Variants in TAFA2 observed in about 807,000 individuals in gnomAD.
TAFA2 encodes the protein TAFA chemokine like family member 2.
In TAFA2, 7 loss-of-function variants were observed where a neutral mutation model predicts 18.8. That is an observed-to-expected ratio of 0.37 (90% CI 0.21 to 0.70). TAFA2 has a LOEUF of 0.70. Among genes scored for constraint, TAFA2 ranks in the 30% least tolerant of loss-of-function variants. The probability of loss-of-function intolerance (pLI) is 0.53; values close to 1 mark genes in which losing one functional copy is unlikely to be tolerated. For synonymous variants in TAFA2, 60 were observed against 54.2 expected, an observed-to-expected ratio of 1.11 and a Z score of -0.47; for missense variants, 122 against 158.1, an observed-to-expected ratio of 0.77 and a Z score of 1.23.
chr12:62,163,353 T>C (rs1306833626), intron 1 of TAFA2, among the ~76,000 whole-genome samples: 1 of 146,484 alleles, frequency 6.8e-6, no homozygotes, highest in Non-Finnish European at 1.5e-5. Context: ...GAGCTGGGTT[T>C]TTGTTTTTGT....
chr12:61,895,548 T>A (rs1875804958), intron 1 of TAFA2, among the ~76,000 whole-genome samples: 1 of 152,026 alleles, frequency 6.6e-6, no homozygotes, highest in African/African-American at 2.4e-5. Flanking sequence ...ACAAATACAG[T>A]GTGGTAAAGA....
intron 2 of TAFA2, among the ~76,000 whole-genome samples, chr12:61,823,095 A>G (rs1488978141): frequency 6.6e-6 from 1 of 152,220 alleles, no homozygotes; most frequent in Non-Finnish European, 1.5e-5. Context: ...AATCTCATTT[A>G]GAAACTTTTT....
chr12:61,827,419 C>T (rs775598690), intron 2 of TAFA2, among the ~76,000 whole-genome samples: 5 of 152,026 alleles, frequency 3.3e-5, no homozygotes, highest in Admixed American at 6.6e-5. Context: ...GGTTCTCTAC[C>T]ATTACTTGTT....
intron 1 of TAFA2, among the ~76,000 whole-genome samples, chr12:61,958,571 A>G (rs1878777305): frequency 6.6e-6 from 1 of 151,850 alleles, no homozygotes; most frequent in Non-Finnish European, 1.5e-5. Context: ...CTACATATAT[A>G]TTTAAGTATC....
At chr12:61,754,766 G>C (rs966717178) in intron 3 of TAFA2, 106 bp downstream of exon 3, 2 of 1,096,172 alleles carry the variant, frequency 1.8e-6, no homozygotes, top group Non-Finnish European at 2.6e-6. Flanking sequence ...GGTATTTGTA[G>C]TATGTTCACC....
intron 1 of TAFA2, among the ~76,000 whole-genome samples, chr12:62,084,912 G>C (rs566585831): frequency 1.3e-5 from 2 of 152,094 alleles, no homozygotes; most frequent in African/African-American, 2.4e-5. Flanking sequence ...AGCCATGCAC[G>C]GAGGTAAACA....
intron 1 of TAFA2, among the ~76,000 whole-genome samples, chr12:62,069,293 G>T (rs920086003): frequency 6.6e-6 from 1 of 152,140 alleles, no homozygotes; most frequent in Non-Finnish European, 1.5e-5. Context: ...TTTCTTTAAA[G>T]GTGTGTTTTG....
At chr12:61,990,024 G>A (rs1879947958) in intron 1 of TAFA2, among the ~76,000 whole-genome samples, 1 of 152,122 alleles carries the variant, frequency 6.6e-6, no homozygotes, top group Admixed American at 6.5e-5. Context: ...TCTGCTACCT[G>A]TGGCATCACT....
rs535171302 is a variant in TAFA2, at chr12:61,715,688, G to C, written c.385-5271C>G. Among the ~76,000 whole-genome samples the C allele has an allele frequency of 3.3e-5, 5 of 151,320 alleles. No homozygotes were observed. In the East Asian group the frequency reaches 7.8e-4, roughly 24 times the overall value. On this transcript the variant is annotated intron_variant, in intron 4 of 4. Coordinates refer to ENST00000416284, the MANE Select transcript of TAFA2 (RefSeq NM_178539.5). Reference sequence around the variant, plus strand: ...TTTAAGGGGCTGAAGCAGGAGGATTGCCTGAGGCCAGGAGTTTGAGACCAG... The same window carrying C: ...TTTAAGGGGCTGAAGCAGGAGGATTCCCTGAGGCCAGGAGTTTGAGACCAG...
chr12:61,713,176 T>TA (rs1206947878), intron 4 of TAFA2, among the ~76,000 whole-genome samples: 1 of 152,200 alleles, frequency 6.6e-6, no homozygotes, highest in Non-Finnish European at 1.5e-5. Flanking sequence ...AGCCCACTCT[T>TA]ACACCAATCA....
intron 1 of TAFA2, among the ~76,000 whole-genome samples, chr12:62,180,800 A>C (rs1010090243): frequency 7.3e-6 from 1 of 136,220 alleles, no homozygotes; most frequent in Non-Finnish European, 1.6e-5. Flanking sequence ...TCTGAAGTTA[A>C]CAAAAAAAAA....
At chr12:62,027,932 G>T (rs1881351195) in intron 1 of TAFA2, among the ~76,000 whole-genome samples, 1 of 152,080 alleles carries the variant, frequency 6.6e-6, no homozygotes, top group Non-Finnish European at 1.5e-5. Context: ...AGATGCAGTT[G>T]GCTAATACCC....
chr12:62,112,877 TTCTC>T (rs1350476055), intron 1 of TAFA2, among the ~76,000 whole-genome samples: 2 of 152,106 alleles, frequency 1.3e-5, no homozygotes, highest in Non-Finnish European at 2.9e-5. Context: ...AGTTAGCAGT[TTCTC>T]TAACCTTTTA....
At chr12:62,023,042 G>T (rs1346796541) in intron 1 of TAFA2, among the ~76,000 whole-genome samples, 1 of 152,128 alleles carries the variant, frequency 6.6e-6, no homozygotes, top group East Asian at 1.9e-4. Context: ...TTGATGTTCT[G>T]GTAAGAGAGA....
intron 1 of TAFA2, among the ~76,000 whole-genome samples, chr12:61,871,473 C>T (rs532422042): frequency 3.3e-5 from 5 of 152,126 alleles, no homozygotes; most frequent in East Asian, 3.9e-4. Context: ...TTTGTGAAAA[C>T]GGCAAAATTT....
intron 1 of TAFA2, among the ~76,000 whole-genome samples, chr12:61,905,974 A>T (rs1033972192): frequency 6.6e-6 from 1 of 152,210 alleles, no homozygotes; most frequent in Non-Finnish European, 1.5e-5. Context: ...TGTTGTTAAC[A>T]TACATCTTTA....
chr12:61,859,007 A>G (rs1294431285), intron 2 of TAFA2, among the ~76,000 whole-genome samples: 2 of 152,228 alleles, frequency 1.3e-5, no homozygotes, highest in African/African-American at 2.4e-5. Context: ...CCTATAGTAG[A>G]ATTACATTTT....
At chr12:62,139,902 T>A (rs1392279993) in intron 1 of TAFA2, 1 of 152,188 alleles carries the variant, frequency 6.6e-6, no homozygotes, top group Non-Finnish European at 1.5e-5. Context: ...CCCAATCCAA[T>A]TATCTTTTCA....
chr12:62,204,460 G>A (rs1023052816), intron 1 of TAFA2, among the ~76,000 whole-genome samples: 1 of 151,886 alleles, frequency 6.6e-6, no homozygotes, highest in Non-Finnish European at 1.5e-5. Flanking sequence ...CTTTCAGGTA[G>A]TGCAATCAGT....
Sources: allele counts gnomAD v4.1 joint callset (sites outside exome capture counted in the v4.1 genomes callset), GRCh38; gene constraint gnomAD v4.1.1; transcripts MANE v1.5; gene names NCBI Gene and HGNC (gene_info 2026-07-23, HGNC 2026-07-21).